KCNAB1: variants seen among roughly 807,000 people sequenced by gnomAD.
KCNAB1 encodes the protein potassium voltage-gated channel subfamily A regulatory beta subunit 1, also known as voltage-gated potassium channel subunit beta-1.
A neutral mutation model predicts 64.6 loss-of-function variants in KCNAB1; 35 were observed. The observed-to-expected ratio is 0.54, with a 90% confidence interval of 0.41 to 0.72. The LOEUF is 0.72. Ranked by LOEUF, KCNAB1 falls within the 30% of genes least tolerant of loss-of-function variation. The pLI, the probability that KCNAB1 is intolerant of heterozygous loss-of-function variation, is 0.00. For missense variants in KCNAB1, 401 were observed against 512.9 expected (o/e 0.78, Z 2.11); for synonymous variants, 177 against 183.8 (o/e 0.96, Z 0.30).
chr3:156,539,043 T>C (rs1052354721), downstream of KCNAB1: 7 of 150,902 alleles, frequency 4.6e-5, no homozygotes, highest in East Asian at 1.9e-4. Flanking sequence ...TAGTTAGTTA[T>C]GTCCTTAAGA....
At chr3:156,150,730 T>G (rs902797147) in intron 1 of KCNAB1, among the ~76,000 whole-genome samples, 1 of 152,150 alleles carries the variant, frequency 6.6e-6, no homozygotes, top group Non-Finnish European at 1.5e-5. Flanking sequence ...GCAGAAAACT[T>G]TATTCAGACA....
intron 1 of KCNAB1, among the ~76,000 whole-genome samples, chr3:156,252,836 T>G (rs968776846): frequency 2.6e-5 from 4 of 152,202 alleles, no homozygotes; most frequent in African/African-American, 7.2e-5. Flanking sequence ...CGCATTGTCT[T>G]AAAAACTTTC....
intron 1 of KCNAB1, among the ~76,000 whole-genome samples, chr3:156,182,635 C>T (rs1488148871): frequency 6.6e-6 from 1 of 151,246 alleles, no homozygotes; most frequent in Admixed American, 6.6e-5. Context: ...TTTTTCCCCC[C>T]CCCGGGTCTT....
chr3:156,157,841 G>A (rs947165917), intron 1 of KCNAB1, among the ~76,000 whole-genome samples: 6 of 151,978 alleles, frequency 3.9e-5, no homozygotes, highest in African/African-American at 1.4e-4. Context: ...TTAGAAAGGT[G>A]GATTATTTTT....
intron 1 of KCNAB1, among the ~76,000 whole-genome samples, chr3:156,369,209 T>C (rs1726146698): frequency 6.6e-6 from 1 of 152,248 alleles, no homozygotes; most frequent in African/African-American, 2.4e-5. Context: ...TTTCAGAATG[T>C]ATCATTTTAA....
intron 1 of KCNAB1, among the ~76,000 whole-genome samples, chr3:156,267,318 C>G (rs1038812802): frequency 6.6e-6 from 1 of 152,186 alleles, no homozygotes; most frequent in East Asian, 1.9e-4. Flanking sequence ...CTGGCTGACT[C>G]TAGTTATCTC....
intron 1 of KCNAB1, among the ~76,000 whole-genome samples, chr3:156,128,594 T>C (rs756871020): frequency 2.5e-4 from 38 of 152,224 alleles, no homozygotes; most frequent in Non-Finnish European, 4.4e-4. Flanking sequence ...AGAGCAGGTG[T>C]TCTCCTACTT....
intron 1 of KCNAB1, among the ~76,000 whole-genome samples, chr3:156,241,627 C>T (rs529422993): frequency 6.6e-6 from 1 of 152,240 alleles, no homozygotes; most frequent in Admixed American, 6.5e-5. Flanking sequence ...TGCTGCTCCC[C>T]CTGGGGCTGC....
upstream of KCNAB1, chr3:156,120,539 G>GGCAGAAGCAGAA (rs1480414976): frequency 6.4e-7 from 1 of 1,558,048 alleles, no homozygotes; most frequent in African/African-American, 1.4e-5. Context: ...GAGGGAGGGA[G>GGCAGAAGCAGAA]GCAGAAGCAG....
upstream of KCNAB1, among the ~76,000 whole-genome samples, chr3:156,119,337 G>T (rs1240835323): frequency 6.6e-6 from 1 of 152,178 alleles, no homozygotes; most frequent in African/African-American, 2.4e-5. Flanking sequence ...GTAAAGGGAT[G>T]AGAATAGCAG....
intron 1 of KCNAB1, among the ~76,000 whole-genome samples, chr3:156,171,534 T>A (rs927325682): frequency 6.6e-6 from 1 of 152,178 alleles, no homozygotes; most frequent in Non-Finnish European, 1.5e-5. Flanking sequence ...ATGTACTTTA[T>A]CCAATTTTAT....
chr3:156,364,742 C>A (rs1369482499), intron 1 of KCNAB1, among the ~76,000 whole-genome samples: 1 of 152,066 alleles, frequency 6.6e-6, no homozygotes, highest in Non-Finnish European at 1.5e-5. Flanking sequence ...GGCACCGTTG[C>A]ACTCCAGCCT....
In KCNAB1 at chr3:156,334,242, C is replaced by A. The variant is rs569214778; in HGVS notation, c.276-87374C>A. On this transcript the variant is annotated intron_variant, in intron 1 of 13. Coordinates refer to ENST00000490337, the MANE Select transcript of KCNAB1 (RefSeq NM_172160.3). The stretch of plus-strand genomic sequence containing the variant: ...ATTCCCCATTGTGGCAGCACAGGGT[C>A]AGGGAAATAGAAATACAGAGTTAAG... Among the ~76,000 whole-genome samples the A allele has an allele frequency of 2.6e-5, 4 of 152,284 alleles. No individual in the cohort carries two copies. In the South Asian group the frequency reaches 8.3e-4, roughly 32 times the overall value.
chr3:156,520,387 C>G (rs921727134), intron 11 of KCNAB1, among the ~76,000 whole-genome samples: 1 of 152,002 alleles, frequency 6.6e-6, no homozygotes, highest in Non-Finnish European at 1.5e-5. Flanking sequence ...TTGAGACCAG[C>G]CTGGGCAAAA....
At chr3:156,198,460 A>T (rs1714101338) in intron 1 of KCNAB1, among the ~76,000 whole-genome samples, 1 of 152,084 alleles carries the variant, frequency 6.6e-6, no homozygotes, top group African/African-American at 2.4e-5. Context: ...TGTTTTATGA[A>T]TCTGGGTGTT....
intron 1 of KCNAB1, among the ~76,000 whole-genome samples, chr3:156,145,614 A>G (rs761122373): frequency 2.0e-5 from 3 of 152,208 alleles, no homozygotes; most frequent in Non-Finnish European, 4.4e-5. Flanking sequence ...TGTTAAAAAA[A>G]CAACCTCTGT....
chr3:156,118,261 G>A (rs1471582669), upstream of KCNAB1: 1 of 450,352 alleles, frequency 2.2e-6, no homozygotes, highest in Non-Finnish European at 4.5e-6. Context: ...TACTGCTCAA[G>A]CTGGCTGTTG....
intron 1 of KCNAB1, among the ~76,000 whole-genome samples, chr3:156,282,815 C>A (rs1719812752): frequency 6.8e-6 from 1 of 146,216 alleles, no homozygotes; most frequent in East Asian, 2.0e-4. Flanking sequence ...TTTCCATTTG[C>A]TTGGTAGATC....
intron 1 of KCNAB1, among the ~76,000 whole-genome samples, chr3:156,288,089 C>G (rs554507808): frequency 1.3e-5 from 2 of 152,214 alleles, no homozygotes; most frequent in African/African-American, 4.8e-5. Context: ...GTACTTGCAG[C>G]ATTGGTTTTC....
Sources: allele counts gnomAD v4.1 joint callset (sites outside exome capture counted in the v4.1 genomes callset), GRCh38; gene constraint gnomAD v4.1.1; transcripts MANE v1.5; gene names NCBI Gene and HGNC (gene_info 2026-07-23, HGNC 2026-07-21).